The following WWOX variants were observed in gnomAD, a reference collection of about 807,000 sequenced individuals.
The protein encoded by WWOX is WW domain-containing oxidoreductase.
WWOX carries 69 observed loss-of-function variants against 46.2 expected under a neutral mutation model. That is an observed-to-expected ratio of 1.49 (90% confidence interval 1.23 to 1.82). WWOX has a LOEUF of 1.82. Among genes scored for constraint, WWOX ranks in the 40% most tolerant of loss-of-function variants. The pLI, the probability that WWOX is intolerant of heterozygous loss-of-function variation, is 0.00. For missense variants in WWOX, 919 were observed against 542.6 expected, an observed-to-expected ratio of 1.69 and a Z score of -6.89; for synonymous variants, 359 against 202.6, an observed-to-expected ratio of 1.77 and a Z score of -6.56.
intron 8 of WWOX, among the ~76,000 whole-genome samples, chr16:78,607,636 T>G (rs2045792109): frequency 8.6e-6 from 1 of 115,844 alleles, no homozygotes; most frequent in African/African-American, 2.7e-5. Flanking sequence ...AGTGACTCAT[T>G]TGTTCTTCTT....
chr16:78,256,066 C>T (rs1023917195), intron 5 of WWOX, among the ~76,000 whole-genome samples: 4 of 149,274 alleles, frequency 2.7e-5, no homozygotes, highest in Non-Finnish European at 5.9e-5. Context: ...AGGAGAATCA[C>T]TCGAACCCGG....
intron 8 of WWOX, among the ~76,000 whole-genome samples, chr16:78,607,843 G>A (rs1126185): frequency 0.62 from 94,434 of 151,744 alleles, 31,171 homozygotes; most frequent in Non-Finnish European, 0.73. Flanking sequence ...ATTTTCTATC[G>A]GGTACAATAG....
intron 5 of WWOX, among the ~76,000 whole-genome samples, chr16:78,276,274 C>T (rs987880673): frequency 1.3e-5 from 2 of 152,178 alleles, no homozygotes; most frequent in Non-Finnish European, 2.9e-5. Context: ...CTCAGTTTCC[C>T]TGTTTGTCAA....
At chr16:78,260,083 A>T (rs959486766) in intron 5 of WWOX, among the ~76,000 whole-genome samples, 4 of 151,118 alleles carry the variant, frequency 2.6e-5, no homozygotes, top group African/African-American at 9.8e-5. Context: ...TTTCTGCTGG[A>T]ATCAGCTCGA....
intron 8 of WWOX, among the ~76,000 whole-genome samples, chr16:78,667,258 A>G (rs1256660487): frequency 2.0e-5 from 3 of 152,200 alleles, no homozygotes; most frequent in Non-Finnish European, 2.9e-5. Context: ...CTATCTTTCT[A>G]GAAGCAGAGC....
chr16:78,193,143 C>G (rs984001675), intron 5 of WWOX, among the ~76,000 whole-genome samples: 2 of 152,206 alleles, frequency 1.3e-5, no homozygotes, highest in Non-Finnish European at 2.9e-5. Context: ...ATTGTTGTAC[C>G]TCATGTGTGC....
intron 8 of WWOX, among the ~76,000 whole-genome samples, chr16:78,988,151 T>C (rs1236415817): frequency 1.3e-5 from 2 of 151,978 alleles, no homozygotes; most frequent in African/African-American, 4.8e-5. Context: ...GAGACCAGTC[T>C]GGCCAACATG....
chr16:78,843,079 A>T (rs1034514249), intron 8 of WWOX, among the ~76,000 whole-genome samples: 1 of 149,892 alleles, frequency 6.7e-6, no homozygotes, highest in Non-Finnish European at 1.5e-5. Context: ...GCTTTTGGCA[A>T]TCACTTCTCT....
chr16:78,109,731 C>CT (rs1567574939), intron 2 of WWOX, 47 bp from the exon 3 acceptor site: 16 of 1,606,094 alleles, frequency 1.0e-5, no homozygotes, highest in Non-Finnish European at 1.4e-5. Flanking sequence ...CAGGGATGGT[C>CT]TTTACTTCTC....
At chr16:78,642,621 C>G (rs569014698) in intron 8 of WWOX, among the ~76,000 whole-genome samples, 10 of 152,070 alleles carry the variant, frequency 6.6e-5, no homozygotes, top group African/African-American at 1.4e-4. Flanking sequence ...TCGTGGGCTA[C>G]TGCCAGCTGA....
At chr16:78,998,599 T>G (rs577327624) in intron 8 of WWOX, among the ~76,000 whole-genome samples, 1 of 152,350 alleles carries the variant, frequency 6.6e-6, no homozygotes, top group South Asian at 2.1e-4. Flanking sequence ...AAGACTCAAT[T>G]TCTTAGTATA....
At chr16:78,599,830 G>A (rs1239130884) in intron 8 of WWOX, among the ~76,000 whole-genome samples, 1 of 152,050 alleles carries the variant, frequency 6.6e-6, no homozygotes, top group Admixed American at 6.6e-5. Context: ...GATTGGGTGT[G>A]GTGTCCATGT....
chr16:78,549,933 G>GAA (rs1382901581), intron 8 of WWOX, among the ~76,000 whole-genome samples: 1 of 151,490 alleles, frequency 6.6e-6, no homozygotes, highest in Non-Finnish European at 1.5e-5. Context: ...AAAAAAGAAA[G>GAA]AAAAAAAAGA....
At chr16:79,045,494 TG>T (rs1278130047) in intron 8 of WWOX, among the ~76,000 whole-genome samples, 1 of 152,164 alleles carries the variant, frequency 6.6e-6, no homozygotes, top group African/African-American at 2.4e-5. Context: ...AGAGAGACTA[TG>T]TTGTTAGTTT....
At chr16:78,453,269 C>G (rs923402235) in intron 8 of WWOX, among the ~76,000 whole-genome samples, 1 of 151,774 alleles carries the variant, frequency 6.6e-6, no homozygotes, top group African/African-American at 2.4e-5. Context: ...ACTAAAAGTA[C>G]AGAAATTAGT....
At chr16:78,676,378 C>G (rs763601473) in intron 8 of WWOX, among the ~76,000 whole-genome samples, 2 of 151,158 alleles carry the variant, frequency 1.3e-5, no homozygotes, top group African/African-American at 4.9e-5. Context: ...GTAGCATGAG[C>G]TATTAACAGC....
At chr16:78,968,279 C>G (rs2046403292) in intron 8 of WWOX, among the ~76,000 whole-genome samples, 1 of 152,200 alleles carries the variant, frequency 6.6e-6, no homozygotes, top group Non-Finnish European at 1.5e-5. Flanking sequence ...AGAAACTGTG[C>G]CCCATAGTCC....
At chr16:78,829,953 G>C (rs527550459) in intron 8 of WWOX, among the ~76,000 whole-genome samples, 1 of 152,098 alleles carries the variant, frequency 6.6e-6, no homozygotes, top group East Asian at 1.9e-4. Context: ...GTGAGGTCTG[G>C]GGCTTGCTTT....
intron 8 of WWOX, among the ~76,000 whole-genome samples, chr16:78,520,321 C>A (rs16947913): frequency 0.27 from 40,297 of 152,056 alleles, 6,480 homozygotes; most frequent in African/African-American, 0.44. Context: ...GTGGATGGTA[C>A]TTAAGGATAC....
Sources: gnomAD v4.1 joint callset for allele counts (sites outside exome capture counted in the v4.1 genomes callset) on GRCh38, gnomAD v4.1.1 for gene constraint, MANE v1.5 for transcripts, NCBI Gene and HGNC (gene_info 2026-07-23, HGNC 2026-07-21) for gene names.